KCNU1: variants seen among roughly 807,000 people sequenced by gnomAD.
KCNU1 encodes potassium calcium-activated channel subfamily U member 1.
Under a neutral mutation model 126.8 loss-of-function variants are expected in KCNU1, and 93 were observed. That is an observed-to-expected ratio of 0.73 (90% CI 0.62 to 0.87). The LOEUF is 0.87. Among genes scored for constraint, KCNU1 ranks in the 40% least tolerant of loss-of-function variants. KCNU1 has a pLI of 0.00. For synonymous variants in KCNU1, 523 were observed against 494.2 expected (o/e 1.06, Z -0.77); for missense variants, 1,330 against 1,367.1 (o/e 0.97, Z 0.43).
chr8:36,843,720 C>A (rs941598122), intron 16 of KCNU1, among the ~76,000 whole-genome samples: 1 of 152,184 alleles, frequency 6.6e-6, no homozygotes, highest in African/African-American at 2.4e-5. Flanking sequence ...GGGGAAAAAG[C>A]CTATCTTTTC....
chr8:36,866,587 G>A (rs540938963), intron 19 of KCNU1, among the ~76,000 whole-genome samples: 1 of 152,148 alleles, frequency 6.6e-6, no homozygotes, highest in Non-Finnish European at 1.5e-5. Flanking sequence ...AACAGTCACA[G>A]ATGAGCACTG....
chr8:36,790,220 C>G (rs1032293767), intron 2 of KCNU1, among the ~76,000 whole-genome samples: 1 of 151,850 alleles, frequency 6.6e-6, no homozygotes, highest in Non-Finnish European at 1.5e-5. Context: ...TGTAACAAAC[C>G]ACAAAGAAGA....
At chr8:36,870,396 C>T (rs1051632576) in intron 19 of KCNU1, among the ~76,000 whole-genome samples, 2 of 152,184 alleles carry the variant, frequency 1.3e-5, no homozygotes, top group Non-Finnish European at 2.9e-5. Context: ...CATACATACC[C>T]TGTTGTCTCA....
chr8:36,846,662 C>T (rs1301395255), intron 18 of KCNU1, among the ~76,000 whole-genome samples: 2 of 151,670 alleles, frequency 1.3e-5, no homozygotes, highest in African/African-American at 4.8e-5. Flanking sequence ...ATTAGCTGGG[C>T]GTGGCAGCGT....
At chr8:36,883,759 C>T (rs2117408257) in intron 19 of KCNU1, among the ~76,000 whole-genome samples, 1 of 152,258 alleles carries the variant, frequency 6.6e-6, no homozygotes, top group East Asian at 1.9e-4. Flanking sequence ...TCACTGCACT[C>T]CAGCCTGGAT....
intron 18 of KCNU1, among the ~76,000 whole-genome samples, chr8:36,863,443 T>G (rs1228340371): frequency 6.6e-6 from 1 of 152,100 alleles, no homozygotes; most frequent in Non-Finnish European, 1.5e-5. Context: ...TCCACCTCCT[T>G]AGGAACTTCT....
chr8:36,930,583 G>T (rs1808668175), intron 24 of KCNU1, among the ~76,000 whole-genome samples: 1 of 152,092 alleles, frequency 6.6e-6, no homozygotes, highest in African/African-American at 2.4e-5. Flanking sequence ...GTAAATATAT[G>T]TATTTTTAAA....
intron 1 of KCNU1, among the ~76,000 whole-genome samples, chr8:36,785,061 T>C (rs1802665184): frequency 6.6e-6 from 1 of 152,226 alleles, no homozygotes; most frequent in African/African-American, 2.4e-5. Context: ...TTGTATACCA[T>C]ATGAAGACAA....
At chr8:36,807,777 T>A (rs1803561321) in intron 6 of KCNU1, among the ~76,000 whole-genome samples, 1 of 150,354 alleles carries the variant, frequency 6.7e-6, no homozygotes. Context: ...TGGTTCTATA[T>A]ATTTGCTTTA....
intron 19 of KCNU1, among the ~76,000 whole-genome samples, chr8:36,866,349 G>A (rs549137913): frequency 6.6e-6 from 1 of 152,226 alleles, no homozygotes; most frequent in Non-Finnish European, 1.5e-5. Flanking sequence ...CCTCCCAAAG[G>A]TGGGGTTGGA....
chr8:36,911,154 A>G, intron 22 of KCNU1, 35 bp downstream of exon 22: 1 of 1,509,078 alleles, frequency 6.6e-7, no homozygotes, highest in Non-Finnish European at 9.0e-7. Flanking sequence ...AGAAACTAGG[A>G]CGTATGGAAA....
intron 22 of KCNU1, among the ~76,000 whole-genome samples, chr8:36,915,257 A>T (rs899446251): frequency 1.3e-5 from 2 of 152,190 alleles, no homozygotes; most frequent in African/African-American, 4.8e-5. Context: ...TTCCAGTCAA[A>T]CCTTGTATAT....
intron 10 of KCNU1, among the ~76,000 whole-genome samples, chr8:36,831,164 G>A (rs1804532779): frequency 6.6e-6 from 1 of 151,840 alleles, no homozygotes; most frequent in Non-Finnish European, 1.5e-5. Flanking sequence ...GTCATTGTTG[G>A]ACATTTGGGT....
At position 36,891,417 on chromosome 8, in the gene KCNU1, T is replaced by C. The variant is rs570323995; in HGVS notation, c.2010-14291T>C. On this transcript the variant is annotated intron_variant, in intron 19 of 26. Transcript: ENST00000399881. ...ATCCTATAACTGCTTTGCAAACTTG[T>C]ATTTTAAGTCAGACAAGATAATACA... is the stretch of plus-strand genomic sequence containing the variant. Among the ~76,000 whole-genome samples, 5 of 152,176 alleles carry C rather than the reference T, an allele frequency of 3.3e-5. No homozygotes were observed. The South Asian group carries it at 6.2e-4, about 19-fold the overall frequency.
chr8:36,868,484 T>C (rs1335177802), intron 19 of KCNU1, among the ~76,000 whole-genome samples: 1 of 152,148 alleles, frequency 6.6e-6, no homozygotes, highest in Non-Finnish European at 1.5e-5. Context: ...ATTTATAGTT[T>C]TGCTGACAAT....
chr8:36,864,628 C>A (rs1304101331), intron 19 of KCNU1, 107 bp downstream of exon 19: 1 of 683,032 alleles, frequency 1.5e-6, no homozygotes. Flanking sequence ...CCTATACTGA[C>A]CAATGGAATT....
At chr8:36,931,179 C>G (rs771368378) in intron 25 of KCNU1, 34 bp downstream of exon 25, 1 of 1,476,944 alleles carries the variant, frequency 6.8e-7, no homozygotes, top group South Asian at 1.3e-5. Context: ...CAGTTTTTCA[C>G]TTCTTTACCT....
At chr8:36,892,385 TA>T (rs1806998177) in intron 19 of KCNU1, among the ~76,000 whole-genome samples, 1 of 152,118 alleles carries the variant, frequency 6.6e-6, no homozygotes, top group African/African-American at 2.4e-5. Context: ...TTTAGTTCTT[TA>T]AAAATGGTTT....
intron 2 of KCNU1, among the ~76,000 whole-genome samples, chr8:36,794,324 A>G (rs1377398209): frequency 6.6e-6 from 1 of 151,422 alleles, no homozygotes; most frequent in African/African-American, 2.4e-5. Context: ...GATCTCATTT[A>G]GCTTTTTTGG....
Sources: allele counts gnomAD v4.1 joint callset (sites outside exome capture counted in the v4.1 genomes callset), GRCh38; gene constraint gnomAD v4.1.1; transcripts MANE v1.5; gene names NCBI Gene and HGNC (gene_info 2026-07-23, HGNC 2026-07-21).